NSMCE2: variants seen among roughly 807,000 people sequenced by gnomAD.
The protein encoded by NSMCE2 is E3 SUMO-protein ligase NSE2.
NSMCE2 carries 24 observed loss-of-function variants against 23.8 expected under a neutral mutation model. The ratio of observed to expected loss-of-function variants is 1.01; its 90% CI spans 0.73 to 1.42. The LOEUF is 1.42. NSMCE2 is among the 40% of genes most tolerant of loss of function. The pLI, the probability that NSMCE2 is intolerant of heterozygous loss-of-function variation, is 0.00. For synonymous variants in NSMCE2, 92 were observed against 94.1 expected (o/e 0.98, Z 0.13); for missense variants, 284 against 296.5 (o/e 0.96, Z 0.31).
chr8:125,183,792 T>C (rs1033431818), intron 5 of NSMCE2, among the ~76,000 whole-genome samples: 1 of 152,148 alleles, frequency 6.6e-6, no homozygotes, highest in African/African-American at 2.4e-5. Flanking sequence ...CCTGGTCATC[T>C]CATGGTAATT....
chr8:125,238,601 C>T (rs77146565), intron 5 of NSMCE2, among the ~76,000 whole-genome samples: 2 of 152,154 alleles, frequency 1.3e-5, no homozygotes, highest in East Asian at 3.8e-4. Context: ...GTTCCTCCCC[C>T]TTTCCCACCA....
At chr8:125,102,574 T>G in intron 3 of NSMCE2, 87 bp downstream of exon 3, 1 of 1,050,644 alleles carries the variant, frequency 9.5e-7, no homozygotes, top group South Asian at 1.4e-5. Flanking sequence ...TGAGTATCCT[T>G]GGGGGAATGA....
At chr8:125,325,947 C>T (rs11778683) in intron 5 of NSMCE2, among the ~76,000 whole-genome samples, 66,376 of 147,968 alleles carry the variant, frequency 0.45, 16,764 homozygotes, top group East Asian at 0.56. Context: ...AGTGAAACTC[C>T]GTCTCAAAAT....
rs776469721 is a variant in NSMCE2, at chr8:125,357,779, G to C, written c.587G>C (p.Arg196Pro). 1.2e-6 allele frequency: 2 copies of C among 1,614,076 alleles called. No individual in the cohort carries two copies. Among genetic ancestry groups the C allele is most frequent in the African/African-American group, 1.3e-5 (1 of 75,028 alleles). ...ACCTATGAAGAGGACGCCATTGTTC[G>C]CATGATTGAGTCCAGGCAAAAGCGG... The part of the protein sequence containing the change: ...GHTYEEDAIV[R>P]MIESRQKRKK... Residue 196 changes from arginine to proline, a missense_variant, in exon 7 of 8, where the codon CGC becomes CCC. By Grantham distance (103) the Arg-to-Pro change is moderately radical. Around this residue, in one of 2 missense-constraint regions of NSMCE2, gnomAD observed 102 missense variants for 141.0 expected, o/e 0.72. Coordinates refer to ENST00000287437, the MANE Select transcript of NSMCE2 (RefSeq NM_173685.4).
chr8:125,237,522 A>G (rs1278131286), intron 5 of NSMCE2, among the ~76,000 whole-genome samples: 2 of 152,142 alleles, frequency 1.3e-5, no homozygotes, highest in Non-Finnish European at 1.5e-5. Flanking sequence ...AATTAACTCC[A>G]CTTGCTGTGC....
chr8:125,282,178 A>G (rs1165139025), intron 5 of NSMCE2, among the ~76,000 whole-genome samples: 1 of 151,180 alleles, frequency 6.6e-6, no homozygotes, highest in Non-Finnish European at 1.5e-5. Context: ...CAGTGGCATG[A>G]TCTTGGCTCA....
intron 3 of NSMCE2, among the ~76,000 whole-genome samples, chr8:125,147,618 A>G (rs1259852570): frequency 6.6e-6 from 1 of 152,278 alleles, no homozygotes; most frequent in Non-Finnish European, 1.5e-5. Flanking sequence ...TTAATTTGGT[A>G]TATATTCTCA....
At position 125,192,791 on chromosome 8, in the gene NSMCE2, G is replaced by C. The variant is rs532765065; in HGVS notation, c.418+10535G>C. On this transcript the variant is annotated intron_variant, in intron 5 of 7. Transcript: ENST00000287437. ...TCTGGCAATTCAGTTTCTGTCTCTG[G>C]ATCTCATGTCCTCACATAGGGGAAA... 5.9e-5 allele frequency among the ~76,000 whole-genome samples: 9 copies of C among 152,264 alleles called. No individual in the cohort carries two copies. The East Asian group carries it at 1.7e-3, about 29-fold the overall frequency.
At chr8:125,307,429 C>T (rs566003081) in intron 5 of NSMCE2, among the ~76,000 whole-genome samples, 28 of 152,326 alleles carry the variant, frequency 1.8e-4, no homozygotes, top group South Asian at 1.5e-3. Context: ...TTCTTTTCTC[C>T]GTGGCTGAAC....
At chr8:125,344,086 C>A (rs1357190999) in intron 5 of NSMCE2, among the ~76,000 whole-genome samples, 2 of 152,088 alleles carry the variant, frequency 1.3e-5, no homozygotes, top group Non-Finnish European at 2.9e-5. Flanking sequence ...GTGTCATAGC[C>A]CCATCTTACC....
intron 5 of NSMCE2, among the ~76,000 whole-genome samples, chr8:125,203,576 A>G (rs1823980927): frequency 6.6e-6 from 1 of 152,224 alleles, no homozygotes; most frequent in Admixed American, 6.5e-5. Flanking sequence ...AATTGAGCAT[A>G]AGATACAGAG....
At chr8:125,213,535 C>G (rs1171800834) in intron 5 of NSMCE2, among the ~76,000 whole-genome samples, 2 of 137,410 alleles carry the variant, frequency 1.5e-5, no homozygotes, top group Admixed American at 7.3e-5. Flanking sequence ...CTCTCCTCTC[C>G]TCTCCCCTCC....
intron 5 of NSMCE2, among the ~76,000 whole-genome samples, chr8:125,317,784 T>C (rs1401729109): frequency 6.6e-6 from 1 of 152,182 alleles, no homozygotes; most frequent in Non-Finnish European, 1.5e-5. Flanking sequence ...CCAGAAAATA[T>C]GCAAAATCTA....
chr8:125,342,149 G>C (rs1362367558), intron 5 of NSMCE2, among the ~76,000 whole-genome samples: 1 of 152,114 alleles, frequency 6.6e-6, no homozygotes, highest in African/African-American at 2.4e-5. Flanking sequence ...GCACAGCCTA[G>C]GCTCATAGAC....
intron 5 of NSMCE2, among the ~76,000 whole-genome samples, chr8:125,273,510 C>T (rs1187756926): frequency 6.6e-6 from 1 of 152,164 alleles, no homozygotes. Flanking sequence ...ACAAAATTAG[C>T]TTTTGTTTGA....
intron 5 of NSMCE2, among the ~76,000 whole-genome samples, chr8:125,330,108 C>T (rs1315554641): frequency 6.6e-6 from 1 of 151,546 alleles, no homozygotes; most frequent in Non-Finnish European, 1.5e-5. Context: ...CGGGGCACGT[C>T]GCTTTCAGAA....
intron 5 of NSMCE2, among the ~76,000 whole-genome samples, chr8:125,257,966 A>G (rs1425737233): frequency 6.6e-6 from 1 of 152,138 alleles, no homozygotes; most frequent in Non-Finnish European, 1.5e-5. Context: ...GGTTTTGGAG[A>G]GATGGAAAAT....
intron 3 of NSMCE2, among the ~76,000 whole-genome samples, chr8:125,132,997 ACTCAAAGT>A (rs1819851579): frequency 6.6e-6 from 1 of 152,198 alleles, no homozygotes; most frequent in South Asian, 2.1e-4. Context: ...TAAGTTATTA[ACTCAAAGT>A]CTCAGAGAAA....
chr8:125,296,014 C>T (rs1828309267), intron 5 of NSMCE2, among the ~76,000 whole-genome samples: 1 of 152,108 alleles, frequency 6.6e-6, no homozygotes, highest in African/African-American at 2.4e-5. Flanking sequence ...GGAATTACAG[C>T]TTACAGCTTA....
Sources: gnomAD v4.1 joint callset for allele counts (sites outside exome capture counted in the v4.1 genomes callset) on GRCh38, gnomAD v4.1.1 for gene constraint, gnomAD v4.1.1 regional missense constraint, MANE v1.5 for transcripts, NCBI Gene and HGNC (gene_info 2026-07-23, HGNC 2026-07-21) for gene names.